The following UBE2F variants were observed in gnomAD, a reference collection of about 807,000 sequenced individuals.
UBE2F encodes the protein ubiquitin conjugating enzyme E2 F (putative).
Under a neutral mutation model 29.6 loss-of-function variants are expected in UBE2F, and 5 were observed. The observed-to-expected ratio is 0.17, with a 90% CI of 0.09 to 0.36. The LOEUF (loss-of-function observed/expected upper bound fraction) is 0.36, where lower values mean the gene tolerates loss of function less well. Among genes scored for constraint, UBE2F ranks in the 10% least tolerant of loss-of-function variants. UBE2F has a pLI of 1.00. For synonymous variants in UBE2F, 66 were observed against 81.8 expected (o/e 0.81, Z 1.04); for missense variants, 141 against 228.5 (o/e 0.62, Z 2.47).
At chr2:237,973,331 G>A (rs1192294500) in intron 2 of UBE2F, 106 bp downstream of exon 2, 6 of 1,276,048 alleles carry the variant, frequency 4.7e-6, no homozygotes, top group Non-Finnish European at 6.6e-6. Flanking sequence ...AGAAATACCT[G>A]TTTAAAAGAT....
intron 4 of UBE2F, among the ~76,000 whole-genome samples, chr2:238,000,378 A>G (rs981694957): frequency 6.6e-6 from 1 of 152,112 alleles, no homozygotes; most frequent in African/African-American, 2.4e-5. Flanking sequence ...ATCCTAGATC[A>G]TTGGTGTGTA....
At chr2:238,010,424 G>A (rs1009815498) in intron 4 of UBE2F, among the ~76,000 whole-genome samples, 9 of 152,192 alleles carry the variant, frequency 5.9e-5, no homozygotes, top group African/African-American at 2.2e-4. Flanking sequence ...GCCTGCCTTG[G>A]CCTCCCAAAG....
Position 237,982,992 on chromosome 2 carries a change from TA to T in UBE2F, c.119-4970del, listed in dbSNP as rs2063407954. ...CCATCATTATATTTTGTTAAGTAAA[TA>T]TATGTATATATTTTATGTTTTTGTA... On this transcript the variant is annotated intron_variant, in intron 2 of 9. Coordinates refer to ENST00000272930, the MANE Select transcript of UBE2F (RefSeq NM_080678.3). This position sits in a 1 kb window ranked among gnomAD's most constrained non-coding sequence, Gnocchi z 4.1. 6.6e-6 allele frequency among the ~76,000 whole-genome samples: 1 copy of T among 152,156 alleles called. No homozygotes were observed. The highest frequency in any genetic ancestry group is 6.5e-5 in the Admixed American group (1 of 15,288).
chr2:238,037,456 G>A (rs1345120270), intron 9 of UBE2F, among the ~76,000 whole-genome samples: 3 of 152,270 alleles, frequency 2.0e-5, no homozygotes. Flanking sequence ...GCCTGCAGAG[G>A]CAGGCCATGT....
chr2:238,035,795 C>T (rs898651450), intron 8 of UBE2F, 83 bp from the exon 9 acceptor site: 1 of 1,151,572 alleles, frequency 8.7e-7, no homozygotes, highest in African/African-American at 1.5e-5. Flanking sequence ...AATTAGACTT[C>T]TCTTACTGTG....
chr2:238,041,361 C>T lies in UBE2F; in HGVS notation c.*23C>T, dbSNP rs1417295696. The T allele has an allele frequency of 2.5e-6, 4 of 1,612,996 alleles. No homozygotes were observed. The African/African-American group carries it at 4.0e-5, about 16-fold the overall frequency. On this transcript the variant is annotated 3_prime_UTR_variant, in exon 10 of 10. Transcript: ENST00000272930. ...TGATAAAAGGGGACGATTGCAGGCC[C>T]ATGGACTGTGTTACAGTTTGTCTCT... is the stretch of plus-strand genomic sequence containing the variant.
intron 3 of UBE2F, 37 bp from the exon 4 acceptor site, chr2:237,994,707 A>G (rs370753706): frequency 2.5e-6 from 4 of 1,577,632 alleles, no homozygotes; most frequent in Admixed American, 3.3e-5. Flanking sequence ...ACTGCTGCTC[A>G]CTGCCAGACC....
At chr2:237,986,256 C>T in intron 2 of UBE2F, 1 of 309,226 alleles carries the variant, frequency 3.2e-6, no homozygotes, top group Non-Finnish European at 6.3e-6. Flanking sequence ...CTCAGGTGAT[C>T]CTCCCACTTC....
chr2:238,020,508 T>C (rs1011213179), intron 5 of UBE2F, among the ~76,000 whole-genome samples: 5 of 152,216 alleles, frequency 3.3e-5, no homozygotes, highest in Non-Finnish European at 2.9e-5. Context: ...ACACAATTTC[T>C]GTACTTCATA....
At chr2:238,009,845 A>G (rs984096730) in intron 4 of UBE2F, among the ~76,000 whole-genome samples, 4 of 152,242 alleles carry the variant, frequency 2.6e-5, no homozygotes, top group Non-Finnish European at 4.4e-5. Flanking sequence ...GTAAATATTG[A>G]CATTTAAAAA....
Position 237,990,410 on chromosome 2 carries a change from T to A in UBE2F, c.148+2418T>A, listed in dbSNP as rs1293436533. 8.7e-6 allele frequency: 4 copies of A among 459,180 alleles called. No homozygotes were observed. The Admixed American group carries it at 9.7e-5, about 11-fold the overall frequency. 28.4% of individuals were successfully genotyped at this position (459,180 alleles called of 1,614,324 possible). On this transcript the variant is annotated intron_variant, in intron 3 of 9. Transcript: ENST00000272930. Reference sequence around the variant, plus strand: ...CTGTATATACATGTAAACCTTTTTTTTTTTTTTTAATAGACAGGGTCTCTC... The same window carrying A: ...CTGTATATACATGTAAACCTTTTTTATTTTTTTTAATAGACAGGGTCTCTC...
intron 8 of UBE2F, 138 bp downstream of exon 8, chr2:238,032,392 A>G: frequency 1.4e-6 from 1 of 718,216 alleles, no homozygotes; most frequent in South Asian, 1.8e-5. Context: ...TCACGCCTGT[A>G]ATCCTAGCAC....
intron 4 of UBE2F, among the ~76,000 whole-genome samples, chr2:238,003,680 C>G (rs576052256): frequency 1.3e-5 from 2 of 152,318 alleles, no homozygotes; most frequent in East Asian, 3.8e-4. Flanking sequence ...TAAAAAATTA[C>G]CACCACTCTT....
Position 237,967,665 on chromosome 2 carries a change from C to G in UBE2F, c.-17+533C>G, listed in dbSNP as rs1367826223. Among the ~76,000 whole-genome samples the G allele has an allele frequency of 6.6e-6, 1 of 152,192 alleles. No homozygotes were observed. Among genetic ancestry groups the G allele is most frequent in the African/African-American group, 2.4e-5 (1 of 41,446 alleles). ...AGGTGAGGGGAGTGACAACTCGCGC[C>G]CGGTCCTCGTACCTGCAGCGGGAAG... On this transcript the variant is annotated intron_variant, in intron 1 of 9. Transcript: ENST00000272930. This position sits in a 1 kb window ranked among gnomAD's most constrained non-coding sequence, Gnocchi z 6.3.
At chr2:238,006,481 C>T (rs1230442165) in intron 4 of UBE2F, among the ~76,000 whole-genome samples, 2 of 152,192 alleles carry the variant, frequency 1.3e-5, no homozygotes, top group African/African-American at 4.8e-5. Context: ...TTTTCTGTTG[C>T]TAGTACATAA....
At chr2:237,991,614 T>TTC (rs2063592516) in intron 3 of UBE2F, among the ~76,000 whole-genome samples, 1 of 119,228 alleles carries the variant, frequency 8.4e-6, no homozygotes, top group Admixed American at 8.8e-5. Context: ...TCTTTCTTTT[T>TTC]TTTTTTTTGA....
intron 2 of UBE2F, among the ~76,000 whole-genome samples, chr2:237,977,435 G>T (rs1048909211): frequency 1.3e-5 from 2 of 152,228 alleles, no homozygotes; most frequent in Non-Finnish European, 2.9e-5. Context: ...AGTAGTTTGG[G>T]CTTGTGGTGG....
At chr2:238,022,072 A>G (rs2064307397) in intron 5 of UBE2F, among the ~76,000 whole-genome samples, 1 of 152,214 alleles carries the variant, frequency 6.6e-6, no homozygotes, top group Non-Finnish European at 1.5e-5. Context: ...AGCAATTACC[A>G]AGGTAGAATA....
chr2:237,989,992 C>T (rs2063550010), intron 3 of UBE2F, among the ~76,000 whole-genome samples: 1 of 151,630 alleles, frequency 6.6e-6, no homozygotes, highest in South Asian at 2.1e-4. Context: ...GTGGTATGCA[C>T]CTGTAATCCC....
Sources: gnomAD v4.1 joint callset for allele counts (sites outside exome capture counted in the v4.1 genomes callset) on GRCh38, gnomAD v4.1.1 for gene constraint, Gnocchi (gnomAD v3.1) non-coding constraint, MANE v1.5 for transcripts, NCBI Gene and HGNC (gene_info 2026-07-23, HGNC 2026-07-21) for gene names.